Variants in ZBTB2 observed in about 807,000 individuals in gnomAD.
ZBTB2 encodes zinc finger and BTB domain containing 2.
In ZBTB2, 2 loss-of-function variants were observed where a neutral mutation model predicts 39.5. That is an observed-to-expected ratio of 0.05 (90% CI 0.02 to 0.16). ZBTB2 has a LOEUF of 0.16. ZBTB2 is among the 10% of genes least tolerant of loss of function. ZBTB2 has a pLI of 1.00. For synonymous variants in ZBTB2, 251 were observed against 256.6 expected, an observed-to-expected ratio of 0.98 and a Z score of 0.21; for missense variants, 391 against 653.0, an observed-to-expected ratio of 0.60 and a Z score of 4.37.
At chr6:151,375,164 A>G (rs1180211174) in intron 1 of ZBTB2, among the ~76,000 whole-genome samples, 6 of 152,056 alleles carry the variant, frequency 3.9e-5, no homozygotes, top group African/African-American at 1.4e-4. Flanking sequence ...TGTAGAACTA[A>G]TAAACGAGTT....
At chr6:151,377,222 G>A (rs1778930503) in intron 1 of ZBTB2, among the ~76,000 whole-genome samples, 1 of 152,066 alleles carries the variant, frequency 6.6e-6, no homozygotes, top group African/African-American at 2.4e-5. Flanking sequence ...TTGTGGTGAT[G>A]GGAATGTTCT....
intron 2 of ZBTB2, among the ~76,000 whole-genome samples, chr6:151,368,702 C>A (rs1203875855): frequency 6.7e-6 from 1 of 149,082 alleles, no homozygotes; most frequent in East Asian, 2.0e-4. Context: ...GATCTGCCCA[C>A]CTCGGCCTCC....
chr6:151,384,245 T>C (rs895526311), intron 1 of ZBTB2, among the ~76,000 whole-genome samples: 1 of 152,166 alleles, frequency 6.6e-6, no homozygotes, highest in Admixed American at 6.5e-5. Context: ...ACAGACGTCA[T>C]GTTAAGGATT....
At chr6:151,377,052 A>G (rs891110951) in intron 1 of ZBTB2, among the ~76,000 whole-genome samples, 1 of 152,108 alleles carries the variant, frequency 6.6e-6, no homozygotes, top group Non-Finnish European at 1.5e-5. Flanking sequence ...ACTTGGGTGA[A>G]TTACACTCAG....
At chr6:151,375,852 A>C (rs1778896530) in intron 1 of ZBTB2, among the ~76,000 whole-genome samples, 1 of 152,212 alleles carries the variant, frequency 6.6e-6, no homozygotes, top group African/African-American at 2.4e-5. Context: ...TACAGGTGTG[A>C]GCCAACACGC....
intron 2 of ZBTB2, among the ~76,000 whole-genome samples, chr6:151,372,858 T>C (rs578071623): frequency 1.4e-4 from 21 of 152,050 alleles, no homozygotes; most frequent in Middle Eastern, 3.4e-3. Flanking sequence ...GCTGGCTTTA[T>C]AATGGACCTG....
intron 1 of ZBTB2, among the ~76,000 whole-genome samples, chr6:151,386,861 G>T (rs1779165329): frequency 6.8e-6 from 1 of 146,630 alleles, no homozygotes; most frequent in Non-Finnish European, 1.5e-5. Flanking sequence ...AGAAATTTTA[G>T]AAATATTTAA....
intron 1 of ZBTB2, among the ~76,000 whole-genome samples, chr6:151,375,052 G>A (rs1347829108): frequency 6.6e-6 from 1 of 151,762 alleles, no homozygotes; most frequent in Admixed American, 6.6e-5. Flanking sequence ...CCCAGGAGGC[G>A]GAGCTTGCGG....
chr6:151,373,403 G>T, intron 2 of ZBTB2, 62 bp downstream of exon 2: 1 of 1,581,180 alleles, frequency 6.3e-7, no homozygotes, highest in Non-Finnish European at 8.7e-7. Context: ...CTTGATGAGG[G>T]CCAGGGACAT....
At chr6:151,385,745 C>CA (rs1554337740) in intron 1 of ZBTB2, among the ~76,000 whole-genome samples, 1 of 152,096 alleles carries the variant, frequency 6.6e-6, no homozygotes, top group Non-Finnish European at 1.5e-5. Flanking sequence ...GTAGTTTAGA[C>CA]CACTTACTAG....
rs1240180533 is a variant in ZBTB2, at chr6:151,365,354, G to A, written c.*167C>T. 1.4e-5 allele frequency: 10 copies of A among 720,920 alleles called. No homozygotes were observed. In the East Asian group the frequency reaches 2.5e-4, roughly 18 times the overall value. The allele number at this position is 720,920 out of a possible 1,614,324, so 44.7% of individuals were successfully genotyped here. On this transcript the variant is annotated 3_prime_UTR_variant, in exon 3 of 3. Coordinates refer to ENST00000325144, the MANE Select transcript of ZBTB2 (RefSeq NM_020861.3). This position sits in a 1 kb window ranked among gnomAD's most constrained non-coding sequence, Gnocchi z 5.6. ...AGTCGATACATTCCAGGTTTATAAT[G>A]CACAAAGCCTTTACAGAGGTGGGGC...
chr6:151,370,665 A>C (rs555195036), intron 2 of ZBTB2, among the ~76,000 whole-genome samples: 6 of 152,370 alleles, frequency 3.9e-5, no homozygotes, highest in African/African-American at 1.4e-4. Context: ...AACTACAGCC[A>C]GAAATCTCCC....
At chr6:151,377,824 G>A (rs547938554) in intron 1 of ZBTB2, among the ~76,000 whole-genome samples, 48 of 151,902 alleles carry the variant, frequency 3.2e-4, no homozygotes, top group Non-Finnish European at 5.3e-4. Flanking sequence ...GTGAGCCACC[G>A]TGCCCGGGCA....
intron 2 of ZBTB2, among the ~76,000 whole-genome samples, chr6:151,368,299 A>G (rs201024995): frequency 6.6e-6 from 1 of 152,016 alleles, no homozygotes; most frequent in East Asian, 1.9e-4. Flanking sequence ...GGTGTCCGCC[A>G]CCACACCCGG....
At chr6:151,387,673 C>T (rs963437877) in intron 1 of ZBTB2, among the ~76,000 whole-genome samples, 24 of 152,144 alleles carry the variant, frequency 1.6e-4, no homozygotes, top group African/African-American at 5.6e-4. Context: ...AAGTAGTTTC[C>T]CTAAGTACTT....
intron 2 of ZBTB2, among the ~76,000 whole-genome samples, chr6:151,370,987 G>C (rs1230685865): frequency 1.3e-5 from 2 of 152,118 alleles, no homozygotes; most frequent in Non-Finnish European, 2.9e-5. Flanking sequence ...TTCTTGCATC[G>C]AATTAAAACT....
At position 151,374,506 on chromosome 6, in the gene ZBTB2, C is replaced by T. The variant is rs560721603; in HGVS notation, c.-12-857G>A. Among the ~76,000 whole-genome samples the T allele has an allele frequency of 4.6e-5, 7 of 152,260 alleles. No homozygotes were observed. The East Asian group carries it at 1.4e-3, about 29-fold the overall frequency. ...GGCTGCCTGACATTGCCTGGTTCAT[C>T]AAATCACTAGTCTGCTCCTTTTCCA... On this transcript the variant is annotated intron_variant, in intron 1 of 2. Coordinates refer to ENST00000325144, the MANE Select transcript of ZBTB2 (RefSeq NM_020861.3).
At position 151,391,555 on chromosome 6, in the gene ZBTB2, G is replaced by T; in HGVS notation, c.-148C>A. The stretch of plus-strand genomic sequence containing the variant: ...TGCTGCCGCCGCGGTCGGTGTCTCC[G>T]GCGCGGCGGCGGCGGCGGCGGCGGG... On this transcript the variant is annotated 5_prime_UTR_variant, in exon 1 of 3. Transcript: ENST00000325144. The T allele has an allele frequency of 6.6e-6, 1 of 151,986 alleles. No individual in the cohort carries two copies. The highest frequency in any genetic ancestry group is 1.9e-4 in the South Asian group (1 of 5,226). 9.4% of individuals were successfully genotyped at this position (151,986 alleles called of 1,614,324 possible).
intron 2 of ZBTB2, among the ~76,000 whole-genome samples, chr6:151,371,253 G>A (rs1778782919): frequency 6.6e-6 from 1 of 152,132 alleles, no homozygotes; most frequent in African/African-American, 2.4e-5. Flanking sequence ...AGTCATACTG[G>A]GTGGTGGCGG....
Sources: gnomAD v4.1 joint callset for allele counts (sites outside exome capture counted in the v4.1 genomes callset) on GRCh38, gnomAD v4.1.1 for gene constraint, Gnocchi (gnomAD v3.1) non-coding constraint, MANE v1.5 for transcripts, NCBI Gene and HGNC (gene_info 2026-07-23, HGNC 2026-07-21) for gene names.